Variants in DPH6 observed in about 807,000 individuals in gnomAD.
DPH6 encodes the protein diphthine--ammonia ligase.
DPH6 carries 33 observed loss-of-function variants against 38.2 expected under a neutral mutation model. That is an observed-to-expected ratio of 0.86 (90% confidence interval 0.65 to 1.15). The LOEUF (loss-of-function observed/expected upper bound fraction) is 1.15, where lower values mean the gene tolerates loss of function less well. Among genes scored for constraint, DPH6 ranks in the 50% most tolerant of loss-of-function variants. The pLI, the probability that DPH6 is intolerant of heterozygous loss-of-function variation, is 0.00. For synonymous variants in DPH6, 108 were observed against 103.0 expected (o/e 1.05, Z -0.30); for missense variants, 325 against 320.0 (o/e 1.02, Z -0.12).
chr15:35,384,889 T>C (rs985094955), intron 6 of DPH6, among the ~76,000 whole-genome samples: 2 of 151,500 alleles, frequency 1.3e-5, no homozygotes, highest in Non-Finnish European at 2.9e-5. Flanking sequence ...AGGGCTAATA[T>C]CCAGAATCTA....
chr15:35,227,752 G>C (rs1440716190), intron 3 of DPH6, among the ~76,000 whole-genome samples: 5 of 150,922 alleles, frequency 3.3e-5, no homozygotes, highest in South Asian at 2.1e-4. Flanking sequence ...TTTTGATGTA[G>C]GCATTTATAG....
At chr15:35,230,725 T>A (rs1312656504) in intron 3 of DPH6, among the ~76,000 whole-genome samples, 1 of 152,182 alleles carries the variant, frequency 6.6e-6, no homozygotes, top group South Asian at 2.1e-4. Context: ...TAGCAGGTGA[T>A]GAATCCTGCC....
At chr15:35,322,948 A>AT (rs1202581205) in intron 3 of DPH6, among the ~76,000 whole-genome samples, 3 of 152,124 alleles carry the variant, frequency 2.0e-5, no homozygotes, top group Non-Finnish European at 4.4e-5. Context: ...GATTGAAGGA[A>AT]TAAAAAAAAA....
At chr15:35,535,058 C>G (rs1595451216) in intron 3 of DPH6, among the ~76,000 whole-genome samples, 1 of 152,264 alleles carries the variant, frequency 6.6e-6, no homozygotes, top group Non-Finnish European at 1.5e-5. Context: ...ACATGCCTAT[C>G]CCCAAACCAT....
Position 35,387,230 on chromosome 15 carries a change from T to C in DPH6, c.568-5314A>G, listed in dbSNP as rs989513461. Reference sequence around the variant, plus strand: ...CTGTTTTGGTACCAGTAGCATGCTGTTTTGGTTACTGTAGCCTTGTAGTAT... The same window carrying C: ...CTGTTTTGGTACCAGTAGCATGCTGCTTTGGTTACTGTAGCCTTGTAGTAT... On this transcript the variant is annotated intron_variant, in intron 6 of 8. Transcript: ENST00000256538. 4.6e-5 allele frequency among the ~76,000 whole-genome samples: 7 copies of C among 152,270 alleles called. No homozygotes were observed. The South Asian group carries it at 1.5e-3, about 32-fold the overall frequency.
intron 3 of DPH6, among the ~76,000 whole-genome samples, chr15:35,355,131 T>C (rs892058005): frequency 1.3e-5 from 2 of 152,186 alleles, no homozygotes; most frequent in Non-Finnish European, 1.5e-5. Context: ...TGTTTTCCAT[T>C]TGCTTGGGAG....
chr15:35,452,464 C>T (rs895794889), intron 4 of DPH6, among the ~76,000 whole-genome samples: 1 of 141,346 alleles, frequency 7.1e-6, no homozygotes, highest in South Asian at 2.6e-4. Context: ...GCTGCTTGGC[C>T]GACTTCTCTG....
chr15:35,227,416 C>A (rs1049347854), intron 3 of DPH6, among the ~76,000 whole-genome samples: 1 of 151,874 alleles, frequency 6.6e-6, no homozygotes, highest in Non-Finnish European at 1.5e-5. Context: ...ACCTCCTGAC[C>A]TCATGATCCA....
chr15:35,175,339 T>C, the DPH6 span, among the ~76,000 whole-genome samples: 1 of 152,228 alleles, frequency 6.6e-6, no homozygotes. Flanking sequence ...ACAGGCACTT[T>C]ATTTCAAAAT....
chr15:35,262,705 C>CAAAAAAAAAAAAA lies in DPH6; in HGVS notation n.201-42136_201-42124dup, dbSNP rs58580024. 6.5e-4 allele frequency among the ~76,000 whole-genome samples: 54 copies of CAAAAAAAAAAAAA among 82,624 alleles called. 3 individuals are homozygous for CAAAAAAAAAAAAA. Among genetic ancestry groups the CAAAAAAAAAAAAA allele is most frequent in the African/African-American group, 3.4e-3 (53 of 15,718 alleles). 54.2% of individuals were successfully genotyped at this position (82,624 alleles called of 152,430 possible). Reference sequence around the variant, plus strand: ...TGCGAAACAGAGCAAGACTCCGTCTCAAAAAAAAAAAAAAAAAAAAAAAAA... The same window carrying CAAAAAAAAAAAAA: ...TGCGAAACAGAGCAAGACTCCGTCTCAAAAAAAAAAAAAAAAAAAAAAAAAAAAAAAAAAAAAA... On this transcript the variant is annotated intron_variant and non_coding_transcript_variant, in intron 3 of 3. Coordinates refer to the DPH6 transcript ENST00000560386.
chr15:35,220,113 C>T (rs1021456655), exon 4 of DPH6: 1 of 152,128 alleles, frequency 6.6e-6, no homozygotes, highest in African/African-American at 2.4e-5. Flanking sequence ...ACATACACTA[C>T]CACTATTAAC....
At chr15:35,481,402 G>T (rs2054325028) in intron 3 of DPH6, among the ~76,000 whole-genome samples, 1 of 152,058 alleles carries the variant, frequency 6.6e-6, no homozygotes, top group African/African-American at 2.4e-5. Context: ...GAAGATTATA[G>T]ATTACAAAAG....
At chr15:35,363,637 TTAAA>T (rs1327348792) in intron 3 of DPH6, among the ~76,000 whole-genome samples, 7 of 152,084 alleles carry the variant, frequency 4.6e-5, no homozygotes, top group African/African-American at 1.7e-4. Flanking sequence ...ATATTTGCAC[TTAAA>T]TATATAATCT....
Position 35,352,915 on chromosome 15 carries a change from T to C in DPH6, n.207+20606A>G, listed in dbSNP as rs2052527892. ...CCCACCAACAGTGTAAAAGTGTTCC[T>C]ATTTCTCCACATCCTCTCCAGCACC... On this transcript the variant is annotated intron_variant and non_coding_transcript_variant, in intron 3 of 3. Coordinates refer to the DPH6 transcript ENST00000558973. Among the ~76,000 whole-genome samples, 15 of 152,348 alleles carry C rather than the reference T, an allele frequency of 9.8e-5. No homozygotes were observed. In the South Asian group the frequency reaches 2.9e-3, roughly 29 times the overall value.
intron 3 of DPH6, among the ~76,000 whole-genome samples, chr15:35,341,375 C>T (rs750827475): frequency 1.3e-5 from 2 of 152,154 alleles, no homozygotes; most frequent in Non-Finnish European, 2.9e-5. Flanking sequence ...TCTATTAATT[C>T]AGCTATCTCA....
intron 3 of DPH6, among the ~76,000 whole-genome samples, chr15:35,267,053 G>T (rs145094814): frequency 6.6e-6 from 1 of 152,074 alleles, no homozygotes; most frequent in African/African-American, 2.4e-5. Flanking sequence ...GTCTTGAAAG[G>T]ATACAAGGAT....
chr15:35,347,855 G>A (rs2052475707), intron 3 of DPH6, among the ~76,000 whole-genome samples: 1 of 152,074 alleles, frequency 6.6e-6, no homozygotes, highest in Non-Finnish European at 1.5e-5. Context: ...CAATAGATAT[G>A]AGGTAATATC....
intron 3 of DPH6, among the ~76,000 whole-genome samples, chr15:35,224,135 G>A (rs1169496684): frequency 1.8e-5 from 2 of 113,448 alleles, no homozygotes; most frequent in Admixed American, 1.2e-4. Flanking sequence ...GAGACCAAGT[G>A]TTGCTCTGTC....
chr15:35,259,091 G>T (rs2051726703), intron 3 of DPH6, among the ~76,000 whole-genome samples: 1 of 151,090 alleles, frequency 6.6e-6, no homozygotes, highest in Non-Finnish European at 1.5e-5. Context: ...GTTGCAGTGG[G>T]CCGAGATCGC....
Sources: allele counts gnomAD v4.1 joint callset (sites outside exome capture counted in the v4.1 genomes callset), GRCh38; gene constraint gnomAD v4.1.1; transcripts MANE v1.5; gene names NCBI Gene and HGNC (gene_info 2026-07-23, HGNC 2026-07-21).